The following DNAH9 variants were observed in gnomAD, a reference collection of about 807,000 sequenced individuals.
DNAH9 encodes dynein axonemal heavy chain 9.
DNAH9 carries 345 observed loss-of-function variants against 471.6 expected under a neutral mutation model. The ratio of observed to expected loss-of-function variants is 0.73; its 90% confidence interval spans 0.67 to 0.80. The LOEUF (loss-of-function observed/expected upper bound fraction) is 0.80, where lower values mean the gene tolerates loss of function less well. Ranked by LOEUF, DNAH9 falls within the 30% of genes least tolerant of loss-of-function variation. The pLI, the probability that DNAH9 is intolerant of heterozygous loss-of-function variation, is 0.00. For missense variants in DNAH9, 5,407 were observed against 5,609.2 expected (o/e 0.96, Z 1.15); for synonymous variants, 2,093 against 2,123.6 (o/e 0.99, Z 0.40).
At chr17:11,628,288 C>T (rs572727338) in intron 6 of DNAH9, among the ~76,000 whole-genome samples, 1 of 152,286 alleles carries the variant, frequency 6.6e-6, no homozygotes, top group African/African-American at 2.4e-5. Context: ...AGGCAGCTTC[C>T]GTGGACTCAG....
rs556921487 is a variant in DNAH9, at chr17:11,650,703, C to T, written c.2098-366C>T. ...TAGCCCAGGCCAGATGATTCTCCTC[C>T]TTTAGGCCACCACCCTTGGATGGGA... On this transcript the variant is annotated intron_variant, in intron 12 of 68. Transcript: ENST00000262442. Among the ~76,000 whole-genome samples the T allele has an allele frequency of 1.8e-4, 27 of 152,322 alleles. No individual in the cohort carries two copies. The East Asian group carries it at 5.2e-3, about 29-fold the overall frequency.
chr17:11,827,690 T>C (rs560439735), intron 48 of DNAH9, among the ~76,000 whole-genome samples: 71 of 148,922 alleles, frequency 4.8e-4, no homozygotes, highest in African/African-American at 1.7e-3. Flanking sequence ...CTTGGTTCTT[T>C]TTTTTTTTTT....
chr17:11,639,841 C>A (rs556738095), intron 9 of DNAH9, among the ~76,000 whole-genome samples: 2 of 152,258 alleles, frequency 1.3e-5, no homozygotes, highest in South Asian at 2.1e-4. Flanking sequence ...ATCTCTACTA[C>A]AAATACGAAA....
At chr17:11,919,505 G>GAAA (rs1221694573) in intron 61 of DNAH9, among the ~76,000 whole-genome samples, 1 of 100,294 alleles carries the variant, frequency 1.0e-5, no homozygotes, top group African/African-American at 3.7e-5. Flanking sequence ...AAAAAAAAAA[G>GAAA]AAAAAAAAAA....
At chr17:11,841,308 C>G (rs972071160) in intron 49 of DNAH9, among the ~76,000 whole-genome samples, 1 of 152,100 alleles carries the variant, frequency 6.6e-6, no homozygotes, top group Non-Finnish European at 1.5e-5. Flanking sequence ...AAAATGTGGT[C>G]CATGCTTTTT....
At position 11,883,734 on chromosome 17, in the gene DNAH9, C is replaced by T. The variant is rs1176005397; in HGVS notation, c.10955C>T (p.Ala3652Val). The T allele has an allele frequency of 5.0e-6, 8 of 1,613,750 alleles. No homozygotes were observed. Among genetic ancestry groups the T allele is most frequent in the Non-Finnish European group, 6.8e-6 (8 of 1,179,906 alleles). Residue 3652 changes from alanine (A) to valine (V), a missense_variant, in exon 56 of 69, where the codon GCC (alanine) becomes GTC (valine). Coordinates refer to ENST00000262442, the MANE Select transcript of DNAH9 (RefSeq NM_001372.4). ...ENLEITKQTA[A>V]EVEKKVQEAK... ...CTAGAGATCACCAAGCAGACTGCTG[C>T]CGAAGTTGAGAAAAAGGTAAAACTC...
chr17:11,716,082 C>CTTTTTT (rs61643065), intron 26 of DNAH9, among the ~76,000 whole-genome samples: 1 of 132,474 alleles, frequency 7.5e-6, no homozygotes, highest in African/African-American at 3.1e-5. Flanking sequence ...TTTTCTTTCT[C>CTTTTTT]TTTTTTTTTT....
At chr17:11,794,741 C>CA (rs1424354383) in intron 42 of DNAH9, among the ~76,000 whole-genome samples, 1 of 152,098 alleles carries the variant, frequency 6.6e-6, no homozygotes, top group Non-Finnish European at 1.5e-5. Flanking sequence ...CTGTGTTTCC[C>CA]AAAATGTGTC....
intron 38 of DNAH9, among the ~76,000 whole-genome samples, chr17:11,770,612 G>A (rs181713358): frequency 6.6e-6 from 1 of 152,148 alleles, no homozygotes; most frequent in East Asian, 1.9e-4. Flanking sequence ...TCCCAATCCA[G>A]CAACTGACTG....
intron 49 of DNAH9, among the ~76,000 whole-genome samples, chr17:11,842,646 C>T (rs1460640501): frequency 6.6e-6 from 1 of 152,204 alleles, no homozygotes; most frequent in South Asian, 2.1e-4. Flanking sequence ...GCCTGAAGAA[C>T]TTGGCGTCTG....
In DNAH9 at chr17:11,810,690, T is replaced by C. The variant is rs117882432; in HGVS notation, c.8707+321T>C. On this transcript the variant is annotated intron_variant, in intron 45 of 68. Coordinates refer to ENST00000262442, the MANE Select transcript of DNAH9 (RefSeq NM_001372.4). ...GAGAGAAGGTGCTGTTCCCTCTCTGTATCCAAATCAAAGAGAAACTAGAAT... is the reference window on the plus strand; with the variant it reads ...GAGAGAAGGTGCTGTTCCCTCTCTGCATCCAAATCAAAGAGAAACTAGAAT... 1.7e-3 allele frequency among the ~76,000 whole-genome samples: 253 copies of C among 152,296 alleles called. 3 individuals carry two copies. The highest frequency in any genetic ancestry group is 1.5e-3 in the Non-Finnish European group (104 of 68,022).
chr17:11,889,771 A>G (rs1336302333), intron 57 of DNAH9, among the ~76,000 whole-genome samples: 1 of 152,230 alleles, frequency 6.6e-6, no homozygotes, highest in African/African-American at 2.4e-5. Context: ...TGGTAAAAAG[A>G]TGAAAAATAC....
At chr17:11,693,237 CTTTTTTTTTTTTT>C (rs776422086) in intron 20 of DNAH9, among the ~76,000 whole-genome samples, 1 of 77,440 alleles carries the variant, frequency 1.3e-5, no homozygotes, top group Non-Finnish European at 2.3e-5. Flanking sequence ...TTAAAATGCC[CTTTTTTTTTTTTT>C]TTTTTTTTTT....
chr17:11,797,275 C>A (rs898778520), intron 42 of DNAH9, among the ~76,000 whole-genome samples: 1 of 152,184 alleles, frequency 6.6e-6, no homozygotes. Context: ...AGAGCCCCCA[C>A]TTAGAGAAAT....
intron 15 of DNAH9, among the ~76,000 whole-genome samples, chr17:11,666,496 A>T (rs578090780): frequency 6.6e-6 from 1 of 152,314 alleles, no homozygotes; most frequent in African/African-American, 2.4e-5. Context: ...GGACAGGGGA[A>T]CACATTTTCT....
intron 12 of DNAH9, 99 bp from the exon 13 acceptor site, chr17:11,650,970 A>C: frequency 1.6e-6 from 2 of 1,285,170 alleles, no homozygotes; most frequent in Non-Finnish European, 2.2e-6. Flanking sequence ...AAGACCCAGA[A>C]GATCTTTGGG....
chr17:11,781,853 A>AC (rs1968683686), intron 39 of DNAH9, among the ~76,000 whole-genome samples: 1 of 141,308 alleles, frequency 7.1e-6, no homozygotes, highest in Non-Finnish European at 1.6e-5. Flanking sequence ...ACAAACAAAA[A>AC]AAAAACTACC....
At position 11,784,270 on chromosome 17, in the gene DNAH9, G is replaced by A. The variant is rs2150898400; in HGVS notation, c.7822-30G>A. On this transcript the variant is annotated intron_variant, in intron 40 of 68. Coordinates refer to ENST00000262442, the MANE Select transcript of DNAH9 (RefSeq NM_001372.4). ...TGATTTCTACTCCGTGGTAACGGAT[G>A]TTGAGCTCATGCCTTTGTTTCCTGT... 1.9e-6 allele frequency: 3 copies of A among 1,610,858 alleles called. No homozygotes were observed. In the East Asian group the frequency reaches 6.7e-5, roughly 36 times the overall value.
intron 66 of DNAH9, among the ~76,000 whole-genome samples, chr17:11,941,736 ATAGT>A (rs1398613332): frequency 1.2e-4 from 17 of 144,812 alleles, no homozygotes; most frequent in African/African-American, 4.3e-4. Flanking sequence ...AGATAGATAG[ATAGT>A]GATAGATTAG....
Sources: allele counts gnomAD v4.1 joint callset (sites outside exome capture counted in the v4.1 genomes callset), GRCh38; gene constraint gnomAD v4.1.1; transcripts MANE v1.5; gene names NCBI Gene and HGNC (gene_info 2026-07-23, HGNC 2026-07-21).